The following UBE2H variants were observed in gnomAD, a reference collection of about 807,000 sequenced individuals.
UBE2H encodes the protein ubiquitin conjugating enzyme E2 H.
A neutral mutation model predicts 29.0 loss-of-function variants in UBE2H; 3 were observed. The observed-to-expected ratio is 0.10, with a 90% CI of 0.05 to 0.27. UBE2H has a LOEUF of 0.27. Among genes scored for constraint, UBE2H ranks in the 10% least tolerant of loss-of-function variants. The pLI, the probability that UBE2H is intolerant of heterozygous loss-of-function variation, is 1.00. For synonymous variants in UBE2H, 69 were observed against 82.9 expected, an observed-to-expected ratio of 0.83 and a Z score of 0.91; for missense variants, 68 against 228.2, an observed-to-expected ratio of 0.30 and a Z score of 4.52.
At chr7:129,916,379 G>T (rs1314271448) in intron 1 of UBE2H, among the ~76,000 whole-genome samples, 14 of 147,178 alleles carry the variant, frequency 9.5e-5, no homozygotes, top group Non-Finnish European at 2.1e-4. Context: ...TAAGCCATTT[G>T]AAATAGAATA....
chr7:129,912,130 T>C (rs1806950059), intron 1 of UBE2H, among the ~76,000 whole-genome samples: 1 of 152,198 alleles, frequency 6.6e-6, no homozygotes, highest in Admixed American at 6.5e-5. Flanking sequence ...CCCCCTGTTT[T>C]TGTAAATAAA....
At chr7:129,930,911 A>C (rs1465468448) in intron 1 of UBE2H, among the ~76,000 whole-genome samples, 6 of 114,254 alleles carry the variant, frequency 5.3e-5, no homozygotes, top group Admixed American at 1.8e-4. Context: ...CCGTCTCACA[A>C]AAAAAAAAAA....
At chr7:129,871,368 C>T (rs1183295824) in intron 3 of UBE2H, among the ~76,000 whole-genome samples, 1 of 152,118 alleles carries the variant, frequency 6.6e-6, no homozygotes. Flanking sequence ...TATTTTTTTA[C>T]AAAACCTTCC....
At chr7:129,845,198 C>T (rs1387735988) in intron 5 of UBE2H, among the ~76,000 whole-genome samples, 11 of 152,164 alleles carry the variant, frequency 7.2e-5, no homozygotes, top group Admixed American at 7.2e-4. Flanking sequence ...AAGTCTAGGT[C>T]CTGCTTGTCC....
intron 1 of UBE2H, among the ~76,000 whole-genome samples, chr7:129,944,739 C>CAT (rs1186400382): frequency 6.9e-6 from 1 of 145,590 alleles, no homozygotes; most frequent in Non-Finnish European, 1.5e-5. Flanking sequence ...CACACACACA[C>CAT]ACACACACAC....
chr7:129,915,043 G>A (rs1361676473), intron 1 of UBE2H, among the ~76,000 whole-genome samples: 2 of 152,122 alleles, frequency 1.3e-5, no homozygotes, highest in African/African-American at 4.8e-5. Flanking sequence ...ATTAGTGTAA[G>A]TTATAGACCA....
intron 3 of UBE2H, among the ~76,000 whole-genome samples, chr7:129,867,725 A>AAAAAAAAAAAAAAAAAAAAAAACC (rs1805940520): frequency 2.2e-5 from 1 of 45,252 alleles, no homozygotes; most frequent in Non-Finnish European, 4.7e-5. Flanking sequence ...AAAGAAAACC[A>AAAAAAAAAAAAAAAAAAAAAAACC]AAAAAAAAAA....
chr7:129,868,586 CAAAAAAAAAAAAAAA>C (rs11356893), intron 3 of UBE2H, among the ~76,000 whole-genome samples: 1 of 69,514 alleles, frequency 1.4e-5, no homozygotes, highest in South Asian at 7.3e-4. Context: ...GACTCCGTCT[CAAAAAAAAAAAAAAA>C]AAAAAAAAAA....
intron 1 of UBE2H, among the ~76,000 whole-genome samples, chr7:129,923,935 C>T (rs913500592): frequency 1.3e-5 from 2 of 152,232 alleles, no homozygotes; most frequent in African/African-American, 4.8e-5. Flanking sequence ...GGGCCATTAA[C>T]ATCTTGACTC....
At chr7:129,868,609 A>AAG (rs1805963377) in intron 3 of UBE2H, among the ~76,000 whole-genome samples, 1 of 150,868 alleles carries the variant, frequency 6.6e-6, no homozygotes, top group African/African-American at 2.4e-5. Flanking sequence ...AAAAAAAAAA[A>AAG]AAAGAAAGAA....
intron 1 of UBE2H, among the ~76,000 whole-genome samples, chr7:129,929,250 G>C (rs1807337921): frequency 6.6e-6 from 1 of 151,492 alleles, no homozygotes; most frequent in Non-Finnish European, 1.5e-5. Flanking sequence ...CCAGGAGGCA[G>C]AGGTTGCGGT....
chr7:129,883,620 T>C (rs1438371577), intron 1 of UBE2H, among the ~76,000 whole-genome samples: 2 of 152,202 alleles, frequency 1.3e-5, no homozygotes, highest in African/African-American at 4.8e-5. Flanking sequence ...GGCAGGCGGA[T>C]CACTTGAGAT....
intron 5 of UBE2H, among the ~76,000 whole-genome samples, chr7:129,840,496 G>A (rs1466550296): frequency 6.6e-6 from 1 of 150,864 alleles, no homozygotes; most frequent in Non-Finnish European, 1.5e-5. Flanking sequence ...TTTCTTGCCA[G>A]GCATACACAG....
At chr7:129,866,264 TCTCTGGTAATATAGA>T (rs1372661944) in intron 3 of UBE2H, among the ~76,000 whole-genome samples, 1 of 152,148 alleles carries the variant, frequency 6.6e-6, no homozygotes, top group Admixed American at 6.5e-5. Context: ...TCTTCCTTTC[TCTCTGGTAATATAGA>T]GTCTGAGGAA....
intron 5 of UBE2H, chr7:129,856,944 G>A (rs1158094919): frequency 6.6e-6 from 1 of 152,198 alleles, no homozygotes; most frequent in Non-Finnish European, 1.5e-5. Context: ...AAGGCCTGAT[G>A]CTCTTTATAA....
At chr7:129,925,909 A>G (rs577243860) in intron 1 of UBE2H, among the ~76,000 whole-genome samples, 1 of 152,298 alleles carries the variant, frequency 6.6e-6, no homozygotes, top group African/African-American at 2.4e-5. Context: ...TACCATCACA[A>G]CTACATTATT....
intron 5 of UBE2H, among the ~76,000 whole-genome samples, chr7:129,840,004 T>C (rs1584736588): frequency 6.6e-6 from 1 of 152,162 alleles, no homozygotes; most frequent in East Asian, 1.9e-4. Flanking sequence ...ACCACTGCGC[T>C]CAGCCTTGAA....
chr7:129,879,296 G>A (rs906769795), intron 3 of UBE2H, among the ~76,000 whole-genome samples: 1 of 152,180 alleles, frequency 6.6e-6, no homozygotes, highest in African/African-American at 2.4e-5. Flanking sequence ...ACAGCTTAAA[G>A]AACAGTGGGG....
At chr7:129,864,955 TCG>T (rs1563026501) in intron 3 of UBE2H, 1 of 304,028 alleles carries the variant, frequency 3.3e-6, no homozygotes, top group Non-Finnish European at 6.7e-6. Context: ...GTTCTAGCAC[TCG>T]TTAAAGGGGA....
Sources: gnomAD v4.1 joint callset for allele counts (sites outside exome capture counted in the v4.1 genomes callset) on GRCh38, gnomAD v4.1.1 for gene constraint, MANE v1.5 for transcripts, NCBI Gene and HGNC (gene_info 2026-07-23, HGNC 2026-07-21) for gene names.